Variants in RGP1 observed in about 807,000 individuals in gnomAD.
RGP1 encodes RAB6A-GEF complex partner protein 2.
Under a neutral mutation model 44.5 loss-of-function variants are expected in RGP1, and 28 were observed. That is an observed-to-expected ratio of 0.63 (90% CI 0.47 to 0.86). RGP1 has a LOEUF of 0.86. Among genes scored for constraint, RGP1 ranks in the 40% least tolerant of loss-of-function variants. RGP1 has a pLI of 0.00. For synonymous variants in RGP1, 212 were observed against 196.7 expected, an observed-to-expected ratio of 1.08 and a Z score of -0.65; for missense variants, 417 against 490.7, an observed-to-expected ratio of 0.85 and a Z score of 1.42.
Position 35,749,905 on chromosome 9 carries a change from C to T in RGP1, c.116+34C>T, listed in dbSNP as rs1325719122. The T allele has an allele frequency of 2.6e-6, 4 of 1,514,876 alleles. No individual in the cohort carries two copies. In the Admixed American group the frequency reaches 7.0e-5, roughly 27 times the overall value. 93.8% of individuals were successfully genotyped at this position (1,514,876 alleles called of 1,614,324 possible). A position where few individuals can be genotyped will look rare whatever the true frequency, so the allele number is the denominator to read the frequency against. ...GCTGGCACTGAAGGTGGTGGCCCTT[C>T]TGGGAAGAAGCCAGATTATCTCTGG... On this transcript the variant is annotated intron_variant, in intron 2 of 8. Transcript: ENST00000378078. The surrounding 1 kb of genome is among the most constrained non-coding windows in gnomAD (Gnocchi z 4.4).
chr9:35,774,578 GC>G, the RGP1 span, among the ~76,000 whole-genome samples: 3 of 152,130 alleles, frequency 2.0e-5, no homozygotes, highest in Non-Finnish European at 4.4e-5. Flanking sequence ...ATACAAAATA[GC>G]CGGGCGTGTT....
At chr9:35,775,189 G>T in the RGP1 span, among the ~76,000 whole-genome samples, 2 of 152,140 alleles carry the variant, frequency 1.3e-5, no homozygotes, top group Non-Finnish European at 2.9e-5. Context: ...CCAGATTTAG[G>T]GTCCAAACAG....
chr9:35,754,127 C>T lies in RGP1; in HGVS notation c.*1253C>T. 1 of 1,612,266 alleles carries T rather than the reference C, an allele frequency of 6.2e-7. No individual in the cohort carries two copies. The highest frequency in any genetic ancestry group is 1.7e-4 in the Middle Eastern group (1 of 6,042). ...GTCCAGCCCAGAGCATCCTTAGGGCCATTGCTGCTGCACAGCCCTCTCAGA... is the reference window on the plus strand; with the variant it reads ...GTCCAGCCCAGAGCATCCTTAGGGCTATTGCTGCTGCACAGCCCTCTCAGA... On this transcript the variant is annotated 3_prime_UTR_variant, in exon 9 of 9. Transcript: ENST00000378078.
intron 6 of RGP1, 61 bp from the exon 7 acceptor site, chr9:35,751,566 C>T: frequency 6.2e-7 from 1 of 1,608,416 alleles, no homozygotes; most frequent in Non-Finnish European, 8.5e-7. Flanking sequence ...GCCTGTGGTG[C>T]CCAGTCCTAG....
At position 35,749,647 on chromosome 9, in the gene RGP1, C is replaced by T. The variant is rs898106137; in HGVS notation, c.-19-90C>T. 6 of 790,404 alleles carry T rather than the reference C, an allele frequency of 7.6e-6. No homozygotes were observed. The African/African-American group carries it at 1.0e-4, about 14-fold the overall frequency. 49.0% of individuals were successfully genotyped at this position (790,404 alleles called of 1,614,324 possible). A position where few individuals can be genotyped will look rare whatever the true frequency, so the allele number is the denominator to read the frequency against. On this transcript the variant is annotated intron_variant, in intron 1 of 8. Transcript: ENST00000378078. This position sits in a 1 kb window ranked among gnomAD's most constrained non-coding sequence, Gnocchi z 4.4. ...CCCTCGGGCACCACGGTGCTGACCA[C>T]CCCTGTCCTCAGCCCTCAGCCCTAG...
downstream of RGP1, among the ~76,000 whole-genome samples, chr9:35,761,167 C>T (rs1827413128): frequency 6.6e-6 from 1 of 152,214 alleles, no homozygotes; most frequent in African/African-American, 2.4e-5. Flanking sequence ...ATCATGAGAA[C>T]TACATTTCCC....
chr9:35,751,996 A>C lies in RGP1; in HGVS notation c.803A>C (p.Glu268Ala), dbSNP rs1185431967. The C allele has an allele frequency of 6.3e-7, 1 of 1,599,666 alleles. No homozygotes were observed. Among genetic ancestry groups the C allele is most frequent in the Non-Finnish European group, 8.5e-7 (1 of 1,172,974 alleles). The change falls in exon 8 of 9, where the codon GAG becomes GCG. Residue 268 changes from glutamate (E) to alanine (A), a missense_variant. Glu to Ala is a moderately radical substitution (Grantham distance 107, BLOSUM62 -1). Transcript: ENST00000378078. Reference protein sequence around the residue: ...SLQTEERVQPEYQRRRGAGGV... With the variant: ...SLQTEERVQPAYQRRRGAGGV... ...CAGACCGAGGAGCGTGTACAGCCTG[A>C]GTACCAGCGGCGACGTGGGGCAGGG...
At chr9:35,772,184 G>T in the RGP1 span, 1 of 152,204 alleles carries the variant, frequency 6.6e-6, no homozygotes, top group Non-Finnish European at 1.5e-5. Flanking sequence ...AAGGTGACAG[G>T]TGACGGCATG....
intron 2 of RGP1, 143 bp from the exon 3 acceptor site, chr9:35,750,100 T>C: frequency 1.6e-6 from 2 of 1,246,858 alleles, no homozygotes; most frequent in South Asian, 3.1e-5. Context: ...CTTTATTTAA[T>C]GGTTTCTCTT....
At chr9:35,758,765 T>G (rs1461118001), downstream of RGP1, among the ~76,000 whole-genome samples, 1 of 152,042 alleles carries the variant, frequency 6.6e-6, no homozygotes, top group Non-Finnish European at 1.5e-5. Flanking sequence ...TCCTCTCAAC[T>G]CTACACTTCT....
chr9:35,751,135 G>C, intron 5 of RGP1, 131 bp from the exon 6 acceptor site: 1 of 1,452,100 alleles, frequency 6.9e-7, no homozygotes, highest in Non-Finnish European at 9.5e-7. Context: ...GAGGGTTCTG[G>C]AGATAGAGAT....
At chr9:35,765,013 C>G in the RGP1 span, among the ~76,000 whole-genome samples, 1 of 151,694 alleles carries the variant, frequency 6.6e-6, no homozygotes, top group African/African-American at 2.4e-5. Context: ...GTAGTCCCAG[C>G]TACTCAGGAG....
chr9:35,773,509 C>CT, the RGP1 span, among the ~76,000 whole-genome samples: 338 of 146,876 alleles, frequency 2.3e-3, 2 homozygotes, highest in East Asian at 5.9e-3. Context: ...TTTCCTTTTT[C>CT]TTTTTTTTTT....
At position 35,753,130 on chromosome 9, in the gene RGP1, A is replaced by C; in HGVS notation, c.*256A>C. 1 of 1,614,212 alleles carries C rather than the reference A, an allele frequency of 6.2e-7. No individual in the cohort carries two copies. The highest frequency in any genetic ancestry group is 8.5e-7 in the Non-Finnish European group (1 of 1,180,024). On this transcript the variant is annotated 3_prime_UTR_variant, in exon 9 of 9. Transcript: ENST00000378078. The surrounding 1 kb of genome is among the most constrained non-coding windows in gnomAD (Gnocchi z 4.2). ...TGGAGTGGGGAGCAGGAGCCCCAGG[A>C]ACAGGGGTGTTGGCTGAGCCCCATT... is the stretch of plus-strand genomic sequence containing the variant.
At chr9:35,783,107 C>CCCTT in the RGP1 span, among the ~76,000 whole-genome samples, 13 of 152,210 alleles carry the variant, frequency 8.5e-5, no homozygotes, top group Non-Finnish European at 1.3e-4. Context: ...CTGCGCCTGG[C>CCCTT]CCTTAATTTT....
the RGP1 span, among the ~76,000 whole-genome samples, chr9:35,772,673 T>C: frequency 6.6e-6 from 1 of 151,538 alleles, no homozygotes; most frequent in East Asian, 1.9e-4. Flanking sequence ...CGCCTGTAGT[T>C]CCAGCTACTC....
Position 35,749,596 on chromosome 9 carries a change from G to A in RGP1, c.-19-141G>A. Reference sequence around the variant, plus strand: ...GTCTTCAGTCGCCTCCCTCCCACCCGCCTACCCCTCCTATATCCAGGAGCT... The same window carrying A: ...GTCTTCAGTCGCCTCCCTCCCACCCACCTACCCCTCCTATATCCAGGAGCT... On this transcript the variant is annotated intron_variant, in intron 1 of 8. Transcript: ENST00000378078. The surrounding 1 kb of genome is among the most constrained non-coding windows in gnomAD (Gnocchi z 4.4). 3.4e-6 allele frequency: 2 copies of A among 594,118 alleles called. No homozygotes were observed. Among genetic ancestry groups the A allele is most frequent in the Non-Finnish European group, 6.3e-6 (2 of 315,384 alleles). The allele number at this position is 594,118 out of a possible 1,614,324, so 36.8% of individuals were successfully genotyped here.
chr9:35,788,437 G>A, the RGP1 span, among the ~76,000 whole-genome samples: 1 of 152,090 alleles, frequency 6.6e-6, no homozygotes, highest in East Asian at 1.9e-4. Context: ...ATGGTGGCGG[G>A]CGCCTGTAAT....
At chr9:35,775,061 C>T in the RGP1 span, among the ~76,000 whole-genome samples, 5 of 152,222 alleles carry the variant, frequency 3.3e-5, no homozygotes, top group Non-Finnish European at 4.4e-5. Flanking sequence ...CTCTTCACTC[C>T]TCTATATTAC....
Sources: allele counts gnomAD v4.1 joint callset (sites outside exome capture counted in the v4.1 genomes callset), GRCh38; gene constraint gnomAD v4.1.1; non-coding constraint Gnocchi (gnomAD v3.1); transcripts MANE v1.5; gene names NCBI Gene and HGNC (gene_info 2026-07-23, HGNC 2026-07-21).